DOCK9: variants seen among roughly 807,000 people sequenced by gnomAD.
DOCK9 encodes dedicator of cytokinesis protein 9.
DOCK9 carries 89 observed loss-of-function variants against 263.3 expected under a neutral mutation model. The observed-to-expected ratio is 0.34, with a 90% CI of 0.28 to 0.40. The LOEUF is 0.40. Among genes scored for constraint, DOCK9 ranks in the 10% least tolerant of loss-of-function variants. The pLI is 1.00. For synonymous variants in DOCK9, 976 were observed against 973.1 expected, an observed-to-expected ratio of 1.00 and a Z score of -0.06; for missense variants, 2,140 against 2,603.4, an observed-to-expected ratio of 0.82 and a Z score of 3.87.
At chr13:99,014,780 G>A (rs1399631273) in intron 1 of DOCK9, among the ~76,000 whole-genome samples, 1 of 152,156 alleles carries the variant, frequency 6.6e-6, no homozygotes, top group Non-Finnish European at 1.5e-5. Context: ...CAAACCTGGT[G>A]CTGGTGGGAA....
intron 1 of DOCK9, among the ~76,000 whole-genome samples, chr13:99,043,306 T>A (rs117451756): frequency 6.6e-6 from 1 of 152,308 alleles, no homozygotes; most frequent in East Asian, 1.9e-4. Context: ...GAAATCAAAC[T>A]TCTCTTCCAG....
intron 1 of DOCK9, among the ~76,000 whole-genome samples, chr13:98,968,493 A>C (rs2141278429): frequency 6.6e-6 from 1 of 152,116 alleles, no homozygotes; most frequent in East Asian, 1.9e-4. Flanking sequence ...GGTGGTGCAC[A>C]CCTGTAATCT....
chr13:99,081,869 T>C (rs1251544521), intron 1 of DOCK9, among the ~76,000 whole-genome samples: 1 of 152,220 alleles, frequency 6.6e-6, no homozygotes, highest in African/African-American at 2.4e-5. Flanking sequence ...GGATTCTTCC[T>C]TCATTACCAA....
At chr13:99,049,409 T>C (rs9517568) in intron 1 of DOCK9, among the ~76,000 whole-genome samples, 41,946 of 151,952 alleles carry the variant, frequency 0.28, 6,153 homozygotes, top group East Asian at 0.43. Flanking sequence ...CAACTCTAGC[T>C]GGGCATGGTG....
intron 15 of DOCK9, 129 bp from the exon 16 acceptor site, chr13:98,888,840 T>C (rs544480374): frequency 5.7e-5 from 42 of 733,734 alleles, no homozygotes; most frequent in Non-Finnish European, 9.3e-5. Context: ...AGTAGCCTCA[T>C]GAAAAACAGC....
chr13:99,039,153 T>C (rs1888225161), intron 1 of DOCK9, among the ~76,000 whole-genome samples: 1 of 152,208 alleles, frequency 6.6e-6, no homozygotes, highest in Non-Finnish European at 1.5e-5. Context: ...AAAAACAACA[T>C]CTGTCTGGGT....
At position 98,824,520 on chromosome 13, in the gene DOCK9, G is replaced by A; in HGVS notation, c.5024-16C>T. 1.2e-6 allele frequency: 2 copies of A among 1,611,364 alleles called. No individual in the cohort carries two copies. Among genetic ancestry groups the A allele is most frequent in the Non-Finnish European group, 1.7e-6 (2 of 1,177,806 alleles). On this transcript the variant is annotated splice_polypyrimidine_tract_variant and intron_variant, in intron 44 of 52. Transcript: ENST00000682017. Reference sequence around the variant, plus strand: ...CTAAACACGCCTAGGAAGAGAGGAAGGAGGGACAGTCAGAGTTAGGAACCT... The same window carrying A: ...CTAAACACGCCTAGGAAGAGAGGAAAGAGGGACAGTCAGAGTTAGGAACCT...
chr13:99,039,864 C>T (rs1888289530), intron 1 of DOCK9, among the ~76,000 whole-genome samples: 1 of 152,198 alleles, frequency 6.6e-6, no homozygotes. Context: ...GGAGTTCCAG[C>T]TCCACTTCTT....
At chr13:98,858,906 G>T (rs1285820682) in intron 33 of DOCK9, 1 of 152,184 alleles carries the variant, frequency 6.6e-6, no homozygotes, top group East Asian at 1.9e-4. Flanking sequence ...TTAAAACTTT[G>T]TGGAAATGAT....
At chr13:98,817,002 A>G (rs1387829156) in intron 45 of DOCK9, among the ~76,000 whole-genome samples, 2 of 152,340 alleles carry the variant, frequency 1.3e-5, no homozygotes, top group East Asian at 3.9e-4. Context: ...ATAAAAACAT[A>G]TGTAGACACA....
At chr13:98,968,236 G>A (rs1374713257) in intron 1 of DOCK9, among the ~76,000 whole-genome samples, 2 of 152,112 alleles carry the variant, frequency 1.3e-5, no homozygotes, top group African/African-American at 4.8e-5. Context: ...ATTTAAAATT[G>A]AAATGGTAAT....
chr13:98,867,844 T>TA, intron 29 of DOCK9, 84 bp downstream of exon 29: 12 of 1,287,832 alleles, frequency 9.3e-6, no homozygotes, highest in Non-Finnish European at 1.1e-5. Context: ...AGGCAGAGCT[T>TA]TAAAAAAAAA....
At chr13:98,805,906 G>A (rs539095988) in intron 48 of DOCK9, among the ~76,000 whole-genome samples, 80 of 152,152 alleles carry the variant, frequency 5.3e-4, no homozygotes, top group Admixed American at 1.9e-3. Flanking sequence ...GACTACAGGT[G>A]TGTGCCACCA....
At chr13:98,990,206 A>G (rs1046334620) in intron 1 of DOCK9, among the ~76,000 whole-genome samples, 8 of 152,212 alleles carry the variant, frequency 5.3e-5, no homozygotes, top group African/African-American at 1.7e-4. Flanking sequence ...TCTCTCCACC[A>G]TAAGAGGAAA....
intron 52 of DOCK9, chr13:98,796,191 T>TA: frequency 6.4e-7 from 1 of 1,574,024 alleles, no homozygotes; most frequent in South Asian, 1.2e-5. Flanking sequence ...AAATAATGTT[T>TA]AAAAATGACA....
intron 2 of DOCK9, among the ~76,000 whole-genome samples, chr13:98,951,280 T>C (rs1029161349): frequency 3.9e-5 from 6 of 152,230 alleles, no homozygotes; most frequent in Non-Finnish European, 7.3e-5. Context: ...AACCAAATCA[T>C]TGATCCTGCA....
chr13:98,949,951 T>C (rs1190906702), intron 2 of DOCK9: 2 of 489,548 alleles, frequency 4.1e-6, no homozygotes, highest in African/African-American at 2.0e-5. Flanking sequence ...GTGCTGTCTG[T>C]CAGAGGGATG....
chr13:98,869,504 T>C (rs1180745867), intron 27 of DOCK9, among the ~76,000 whole-genome samples: 1 of 152,244 alleles, frequency 6.6e-6, no homozygotes, highest in Non-Finnish European at 1.5e-5. Flanking sequence ...AATAATTTAC[T>C]GAGAGCCTGA....
chr13:99,082,119 T>G (rs950905937), intron 1 of DOCK9, among the ~76,000 whole-genome samples: 13 of 152,136 alleles, frequency 8.5e-5, no homozygotes, highest in Middle Eastern at 3.2e-3. Flanking sequence ...CTCTGGAGGC[T>G]GAGGTAAGAG....
Sources: allele counts gnomAD v4.1 joint callset (sites outside exome capture counted in the v4.1 genomes callset), GRCh38; gene constraint gnomAD v4.1.1; transcripts MANE v1.5; gene names NCBI Gene and HGNC (gene_info 2026-07-23, HGNC 2026-07-21).